BICC1: variants seen among roughly 807,000 people sequenced by gnomAD.
BICC1 encodes BicC family RNA binding protein 1.
BICC1 carries 43 observed loss-of-function variants against 111.0 expected under a neutral mutation model. That is an observed-to-expected ratio of 0.39 (90% CI 0.30 to 0.50). The LOEUF (loss-of-function observed/expected upper bound fraction) is 0.50. BICC1 is among the 20% of genes least tolerant of loss of function. BICC1 has a pLI of 0.88. For missense variants in BICC1, 1,091 were observed against 1,203.2 expected, an observed-to-expected ratio of 0.91 and a Z score of 1.38; for synonymous variants, 467 against 434.4, an observed-to-expected ratio of 1.07 and a Z score of -0.93.
intron 3 of BICC1, chr10:58,715,509 G>C (rs1177376590): frequency 1.0e-5 from 12 of 1,147,034 alleles, no homozygotes; most frequent in Non-Finnish European, 1.3e-5. Flanking sequence ...CCATCTCTCT[G>C]GCCTGGTTTC....
intron 19 of BICC1, 81 bp downstream of exon 19, chr10:58,817,803 C>A: frequency 7.4e-7 from 1 of 1,358,994 alleles, no homozygotes; most frequent in Non-Finnish European, 1.0e-6. Context: ...ACTTATTGAC[C>A]TATGAGTATG....
intron 3 of BICC1, among the ~76,000 whole-genome samples, chr10:58,754,928 C>T (rs747356422): frequency 6.6e-6 from 1 of 152,124 alleles, no homozygotes; most frequent in African/African-American, 2.4e-5. Context: ...ATCAAGATTG[C>T]GAGTGAGCCC....
intron 2 of BICC1, chr10:58,650,822 G>A (rs1838424040): frequency 6.6e-6 from 1 of 151,522 alleles, no homozygotes; most frequent in South Asian, 2.1e-4. Context: ...CTTTTTATAA[G>A]CTTTTCAAGT....
At chr10:58,554,211 G>A (rs1475035476) in intron 1 of BICC1, among the ~76,000 whole-genome samples, 2 of 152,106 alleles carry the variant, frequency 1.3e-5, no homozygotes, top group African/African-American at 2.4e-5. Flanking sequence ...GATCTGTGGT[G>A]GTTGTACTAA....
At chr10:58,701,644 T>C (rs1840240053) in intron 2 of BICC1, among the ~76,000 whole-genome samples, 1 of 152,208 alleles carries the variant, frequency 6.6e-6, no homozygotes, top group African/African-American at 2.4e-5. Context: ...GAAAAAAATC[T>C]TCATTTAGTA....
At chr10:58,809,846 G>A (rs1393666002) in intron 17 of BICC1, among the ~76,000 whole-genome samples, 1 of 152,168 alleles carries the variant, frequency 6.6e-6, no homozygotes, top group East Asian at 1.9e-4. Flanking sequence ...GAATGGCTAA[G>A]TGTCTTACTC....
At chr10:58,730,359 T>C (rs1439398926) in intron 3 of BICC1, among the ~76,000 whole-genome samples, 1 of 152,166 alleles carries the variant, frequency 6.6e-6, no homozygotes, top group African/African-American at 2.4e-5. Context: ...TCTACTCCTG[T>C]GGCCTTGTGG....
At chr10:58,555,641 GGT>G (rs1337273024) in intron 1 of BICC1, among the ~76,000 whole-genome samples, 1 of 152,038 alleles carries the variant, frequency 6.6e-6, no homozygotes, top group African/African-American at 2.4e-5. Flanking sequence ...GAAAAATATG[GGT>G]CACTGAGGTC....
intron 1 of BICC1, among the ~76,000 whole-genome samples, chr10:58,542,343 G>A (rs1843013716): frequency 1.3e-5 from 2 of 151,798 alleles, no homozygotes. Context: ...CAGAAGAATG[G>A]TATAACCTTA....
chr10:58,605,768 A>G (rs1845190175), intron 1 of BICC1, among the ~76,000 whole-genome samples: 2 of 152,232 alleles, frequency 1.3e-5, no homozygotes, highest in South Asian at 4.1e-4. Flanking sequence ...TTTCTGTTGA[A>G]TATTTTTGAT....
chr10:58,615,393 G>A (rs547508421), intron 1 of BICC1, among the ~76,000 whole-genome samples: 2 of 152,290 alleles, frequency 1.3e-5, no homozygotes, highest in Admixed American at 6.5e-5. Context: ...GACCCAGCGA[G>A]TTTGGAGTGC....
chr10:58,749,641 C>G (rs10458676), intron 3 of BICC1, among the ~76,000 whole-genome samples: 93,754 of 151,960 alleles, frequency 0.62, 30,544 homozygotes, highest in East Asian at 0.9. Flanking sequence ...AGTAGATACT[C>G]ATTTCAACCT....
At chr10:58,688,472 C>G (rs938281508) in intron 2 of BICC1, among the ~76,000 whole-genome samples, 1 of 151,938 alleles carries the variant, frequency 6.6e-6, no homozygotes. Context: ...TTCTCCAAGT[C>G]CCCCCCTGAC....
At chr10:58,806,694 TG>T (rs1413939095) in intron 16 of BICC1, 71 bp downstream of exon 16, 13 of 1,302,598 alleles carry the variant, frequency 1.0e-5, no homozygotes, top group Admixed American at 2.0e-5. Flanking sequence ...TGAGTACTCA[TG>T]GTGAATCGAG....
chr10:58,823,525 T>C, intron 20 of BICC1: 1 of 984,134 alleles, frequency 1.0e-6, no homozygotes, highest in Non-Finnish European at 1.2e-6. Context: ...TTGTGATCAT[T>C]TTACTGTTTC....
chr10:58,659,097 G>T (rs2132281363), intron 2 of BICC1, among the ~76,000 whole-genome samples: 1 of 152,250 alleles, frequency 6.6e-6, no homozygotes, highest in South Asian at 2.1e-4. Context: ...AAAAATAACA[G>T]ATCTGGTAAG....
chr10:58,636,284 T>C (rs1837951465), intron 2 of BICC1, among the ~76,000 whole-genome samples: 1 of 152,234 alleles, frequency 6.6e-6, no homozygotes, highest in African/African-American at 2.4e-5. Flanking sequence ...AATTCAACAC[T>C]GTTTATTACA....
intron 1 of BICC1, among the ~76,000 whole-genome samples, chr10:58,576,223 A>G (rs1844107439): frequency 6.6e-6 from 1 of 152,166 alleles, no homozygotes; most frequent in African/African-American, 2.4e-5. Flanking sequence ...TGAGTTTTAA[A>G]ATTTCAAAAT....
intron 1 of BICC1, among the ~76,000 whole-genome samples, chr10:58,619,210 A>G (rs1845718162): frequency 6.6e-6 from 1 of 152,206 alleles, no homozygotes; most frequent in Non-Finnish European, 1.5e-5. Flanking sequence ...GCTAGGAGTC[A>G]TTATTCAGCC....
Sources: gnomAD v4.1 joint callset for allele counts (sites outside exome capture counted in the v4.1 genomes callset) on GRCh38, gnomAD v4.1.1 for gene constraint, MANE v1.5 for transcripts, NCBI Gene and HGNC (gene_info 2026-07-23, HGNC 2026-07-21) for gene names.